The following AQP7B variants were observed in gnomAD, a reference collection of about 807,000 sequenced individuals.
The protein encoded by AQP7B is aquaporin 7B.
chr2:94,588,358 C>T, the AQP7B span, among the ~76,000 whole-genome samples: 3 of 151,912 alleles, frequency 2.0e-5, no homozygotes, highest in Non-Finnish European at 4.4e-5. Flanking sequence ...CTCCTCCCTC[C>T]CTGTTGCTTG....
the AQP7B span, among the ~76,000 whole-genome samples, chr2:94,589,273 G>T: frequency 1.3e-5 from 2 of 151,652 alleles, no homozygotes; most frequent in African/African-American, 2.4e-5. Context: ...CCTCCCAAAA[G>T]GTTGGGATTA....
the AQP7B span, among the ~76,000 whole-genome samples, chr2:94,601,643 A>G: frequency 6.6e-6 from 1 of 152,118 alleles, no homozygotes. Context: ...CTGCAGCATG[A>G]CTGAAACAGG....
At chr2:94,589,421 C>G in the AQP7B span, among the ~76,000 whole-genome samples, 14 of 152,188 alleles carry the variant, frequency 9.2e-5, no homozygotes, top group East Asian at 2.5e-3. Context: ...ATCTTCATGG[C>G]TTTGCTCCAA....
the AQP7B span, among the ~76,000 whole-genome samples, chr2:94,592,592 G>C: frequency 2.0e-5 from 3 of 152,098 alleles, no homozygotes; most frequent in East Asian, 5.8e-4. Flanking sequence ...GTCCTGGGAA[G>C]GTACCATAGA....
At chr2:94,597,619 T>C in the AQP7B span, among the ~76,000 whole-genome samples, 1 of 151,372 alleles carries the variant, frequency 6.6e-6, no homozygotes, top group South Asian at 2.1e-4. Context: ...TTTGTTTTTT[T>C]TTTTTTGTTT....
At chr2:94,598,558 C>A in the AQP7B span, among the ~76,000 whole-genome samples, 3 of 152,170 alleles carry the variant, frequency 2.0e-5, no homozygotes, top group Non-Finnish European at 2.9e-5. Context: ...TGGCTGGCTG[C>A]AGAGTGCCAA....
chr2:94,588,544 G>A, the AQP7B span: 3 of 882,066 alleles, frequency 3.4e-6, no homozygotes, highest in South Asian at 1.5e-5. Flanking sequence ...TCTGGGCACA[G>A]GCGGTAAGTA....
At chr2:94,599,592 C>T in the AQP7B span, among the ~76,000 whole-genome samples, 82 of 152,202 alleles carry the variant, frequency 5.4e-4, 1 homozygote, top group East Asian at 3.3e-3. Flanking sequence ...TTGGCTGGGG[C>T]GGGGTCCTCT....
chr2:94,597,628 T>G, the AQP7B span, among the ~76,000 whole-genome samples: 1 of 151,106 alleles, frequency 6.6e-6, no homozygotes, highest in Admixed American at 6.6e-5. Context: ...TTTTTTTTGT[T>G]TTTTTTTTGA....
At chr2:94,595,487 G>A in the AQP7B span, among the ~76,000 whole-genome samples, 1 of 152,036 alleles carries the variant, frequency 6.6e-6, no homozygotes, top group East Asian at 1.9e-4. Flanking sequence ...GAAACTTGAT[G>A]ATTGGGCTCT....
the AQP7B span, chr2:94,603,251 C>T: frequency 8.7e-6 from 12 of 1,387,062 alleles, no homozygotes; most frequent in Admixed American, 2.6e-4. Flanking sequence ...ACCTCAGTGT[C>T]CTGATTTGTA....
chr2:94,598,003 G>T, the AQP7B span, among the ~76,000 whole-genome samples: 1 of 152,176 alleles, frequency 6.6e-6, no homozygotes, highest in African/African-American at 2.4e-5. Context: ...CCCAGCCAGG[G>T]TAAGGTCCTC....
At chr2:94,597,698 G>A in the AQP7B span, among the ~76,000 whole-genome samples, 11 of 145,922 alleles carry the variant, frequency 7.5e-5, no homozygotes, top group East Asian at 8.7e-4. Context: ...TCCACCTCCC[G>A]GGTTCAAGCG....
chr2:94,592,207 T>C, the AQP7B span, among the ~76,000 whole-genome samples: 1 of 152,064 alleles, frequency 6.6e-6, no homozygotes, highest in Admixed American at 6.5e-5. Context: ...TGGGAGCCAG[T>C]GGAGGGTCAC....
the AQP7B span, among the ~76,000 whole-genome samples, chr2:94,601,904 G>A: frequency 1.3e-5 from 2 of 152,090 alleles, no homozygotes; most frequent in Non-Finnish European, 2.9e-5. Flanking sequence ...TATCTGAGGA[G>A]CCGTGAGGGA....
the AQP7B span, chr2:94,603,388 A>G: frequency 6.2e-7 from 1 of 1,605,538 alleles, no homozygotes; most frequent in Non-Finnish European, 8.5e-7. Flanking sequence ...CGCAGCGGCC[A>G]TTCTCCACTT....
the AQP7B span, chr2:94,602,744 G>T: frequency 1.9e-6 from 2 of 1,025,834 alleles, no homozygotes; most frequent in South Asian, 1.6e-5. Context: ...GCAGGAGGAA[G>T]TCTCCTCTGA....
the AQP7B span, chr2:94,603,371 G>A: frequency 6.3e-7 from 1 of 1,597,122 alleles, no homozygotes; most frequent in Non-Finnish European, 8.6e-7. Flanking sequence ...ATGATAGTCT[G>A]TGTCTCCGCA....
chr2:94,603,924 C>A, the AQP7B span: 1 of 1,273,530 alleles, frequency 7.9e-7, no homozygotes, highest in South Asian at 1.3e-5. Flanking sequence ...GCAAACAGGT[C>A]TTCAGGTACT....
Sources: allele counts gnomAD v4.1 joint callset (sites outside exome capture counted in the v4.1 genomes callset), GRCh38; gene constraint gnomAD v4.1.1; transcripts MANE v1.5; gene names NCBI Gene and HGNC (gene_info 2026-07-23, HGNC 2026-07-21).